PROM2: variants seen among roughly 807,000 people sequenced by gnomAD.
PROM2 encodes prominin 2.
PROM2 carries 90 observed loss-of-function variants against 110.2 expected under a neutral mutation model. The observed-to-expected ratio is 0.82, with a 90% CI of 0.69 to 0.97. The LOEUF is 0.97. PROM2 is among the 50% of genes least tolerant of loss of function. PROM2 has a pLI of 0.00. For synonymous variants in PROM2, 470 were observed against 467.8 expected, an observed-to-expected ratio of 1.00 and a Z score of -0.06; for missense variants, 1,009 against 1,074.8, an observed-to-expected ratio of 0.94 and a Z score of 0.86.
chr2:95,279,766 G>T lies in PROM2; in HGVS notation c.1275-79G>T, dbSNP rs1023538791. ...AGCCTTGGGGTTAGAGGCCACACCC[G>T]GTCGCCACGTCCCGCACCTGTCCAT... On this transcript the variant is annotated intron_variant, in intron 10 of 23. Coordinates refer to ENST00000317620, the MANE Select transcript of PROM2 (RefSeq NM_001165978.3). 2.3e-5 allele frequency: 29 copies of T among 1,246,978 alleles called. No individual in the cohort carries two copies. The Admixed American group carries it at 6.9e-4, about 30-fold the overall frequency. The allele number at this position is 1,246,978 out of a possible 1,614,324, so 77.2% of individuals were successfully genotyped here. A position where few individuals can be genotyped will look rare whatever the true frequency, so the allele number is the denominator to read the frequency against.
rs1335515009 is a variant in PROM2, at chr2:95,276,719, C to T, written c.682+62C>T. 43 of 1,547,334 alleles carry T rather than the reference C, an allele frequency of 2.8e-5. No homozygotes were observed. Among genetic ancestry groups the T allele is most frequent in the African/African-American group, 6.8e-5 (5 of 73,486 alleles). On this transcript the variant is annotated intron_variant, in intron 5 of 23. Coordinates refer to ENST00000317620, the MANE Select transcript of PROM2 (RefSeq NM_001165978.3). This position sits in a 1 kb window ranked among gnomAD's most constrained non-coding sequence, Gnocchi z 4.6. ...TTCCAGGGCCCCTGCTCGGGTGCCT[C>T]GGTGGGGGCCTCTCACTCCCTCATT...
At chr2:95,284,581 CA>C (rs534429749) in intron 14 of PROM2, among the ~76,000 whole-genome samples, 121 of 152,292 alleles carry the variant, frequency 7.9e-4, no homozygotes, top group African/African-American at 2.7e-3. Context: ...GGAAGCATGG[CA>C]CCGGCAGCCG....
At position 95,284,973 on chromosome 2, in the gene PROM2, C is replaced by G. The variant is rs1283142325; in HGVS notation, c.1733C>G (p.Thr578Ser). ...LEEHLDINQY[T>S]NKLRQELQSL... is the part of the protein sequence containing the mutation. ...ACCCTGCGCCTGCTCTCCCAGTATA[C>G]CAACAAGCTACGGCAGGAGTTGCAG... Residue 578 changes from threonine to serine, a missense_variant, in exon 15 of 24, where the codon ACC becomes AGC. Transcript: ENST00000317620. The G allele has an allele frequency of 6.2e-7, 1 of 1,610,204 alleles. No homozygotes were observed. The highest frequency in any genetic ancestry group is 8.5e-7 in the Non-Finnish European group (1 of 1,178,134).
intron 8 of PROM2, chr2:95,278,423 T>C (rs1573448787): frequency 1.8e-6 from 1 of 553,454 alleles, no homozygotes; most frequent in Non-Finnish European, 3.2e-6. Context: ...GCTAGAAGGG[T>C]GGACTGGAGC....
chr2:95,285,211 G>A (rs1677282336), intron 15 of PROM2, 96 bp downstream of exon 15: 2 of 1,338,814 alleles, frequency 1.5e-6, no homozygotes, highest in Admixed American at 5.7e-5. Context: ...CCTTGTCCCA[G>A]CTCTGGCTCT....
At chr2:95,277,800 G>T in intron 7 of PROM2, 130 bp from the exon 8 acceptor site, 1 of 853,678 alleles carries the variant, frequency 1.2e-6, no homozygotes. Flanking sequence ...GGCAGTAAGA[G>T]CCATGGCAGT....
At chr2:95,284,890 C>T in intron 14 of PROM2, 79 bp from the exon 15 acceptor site, 2 of 1,452,086 alleles carry the variant, frequency 1.4e-6, no homozygotes, top group South Asian at 1.4e-5. Context: ...CGCCTGGTGA[C>T]CCCTGTGCTT....
At position 95,279,878 on chromosome 2, in the gene PROM2, C is replaced by A; in HGVS notation, c.1308C>A (p.Val436=). 1.3e-6 allele frequency: 2 copies of A among 1,543,122 alleles called. No individual in the cohort carries two copies. Among genetic ancestry groups the A allele is most frequent in the Non-Finnish European group, 1.8e-6 (2 of 1,142,054 alleles). ...TGGGCTGCGTGCTGTGCTCCGTGGT[C>A]CTATTCGTGGTGCTCTGCAACCTGC... ...WIVGCVLCSV[V]LFVVLCNLLG... The change falls in exon 11 of 24, where the codon GTC becomes GTA. Residue 436 remains valine, a synonymous_variant. Transcript: ENST00000317620.
At chr2:95,282,574 C>T (rs941452294) in intron 14 of PROM2, among the ~76,000 whole-genome samples, 1 of 152,116 alleles carries the variant, frequency 6.6e-6, no homozygotes, top group African/African-American at 2.4e-5. Flanking sequence ...TGGGGAAGGA[C>T]GTGGCAGTGA....
intron 11 of PROM2, among the ~76,000 whole-genome samples, chr2:95,280,997 G>T (rs1157066390): frequency 2.6e-5 from 4 of 152,198 alleles, no homozygotes; most frequent in African/African-American, 7.2e-5. Context: ...CCTCTAGGCT[G>T]CCAGGGCCAG....
Position 95,288,936 on chromosome 2 carries a change from C to T in PROM2, c.2445C>T (p.Ser815=), listed in dbSNP as rs746626049. The T allele has an allele frequency of 1.1e-5, 18 of 1,614,116 alleles. No individual in the cohort carries two copies. Among genetic ancestry groups the T allele is most frequent in the Middle Eastern group, 1.6e-4 (1 of 6,062 alleles). Residue 815 remains serine (S), a synonymous_variant, in exon 23 of 24, where the codon TCC becomes TCT. Transcript: ENST00000317620. ...CTCTCTGTCTTTGACACTGCAGCTC[C>T]ACCAGCTCTGAGGAGACTCAGCTCT... ...YFRPIRKRLS[S]TSSEETQLFH... is the part of the protein sequence containing the mutation.
chr2:95,281,848 A>G (rs1677066438), intron 12 of PROM2, 77 bp from the exon 13 acceptor site: 26 of 997,274 alleles, frequency 2.6e-5, no homozygotes, highest in Non-Finnish European at 4.1e-5. Flanking sequence ...ACAGCAGCAC[A>G]GGGCCAGGCC....
chr2:95,288,673 C>T (rs1677524718), intron 22 of PROM2, 84 bp downstream of exon 22: 1 of 1,174,254 alleles, frequency 8.5e-7, no homozygotes, highest in Non-Finnish European at 1.2e-6. Flanking sequence ...CACAGCCCCT[C>T]CTGAGACCTC....
In PROM2 at chr2:95,277,076, C is replaced by A; in HGVS notation, c.772+15C>A. Reference sequence around the variant, plus strand: ...TTTGGGCCAGGGTGAGCTGGAGCCGCATCCTGGATAGTGTGGAGCCCAGCG... The same window carrying A: ...TTTGGGCCAGGGTGAGCTGGAGCCGAATCCTGGATAGTGTGGAGCCCAGCG... On this transcript the variant is annotated intron_variant, in intron 6 of 23. Coordinates refer to ENST00000317620, the MANE Select transcript of PROM2 (RefSeq NM_001165978.3). 1 of 1,547,978 alleles carries A rather than the reference C, an allele frequency of 6.5e-7. No individual in the cohort carries two copies. The highest frequency in any genetic ancestry group is 1.2e-5 in the South Asian group (1 of 83,710).
At position 95,275,773 on chromosome 2, in the gene PROM2, C is replaced by A; in HGVS notation, c.295-157C>A. On this transcript the variant is annotated intron_variant, in intron 2 of 23. Transcript: ENST00000317620. The surrounding 1 kb of genome is among the most constrained non-coding windows in gnomAD (Gnocchi z 4.4). Reference sequence around the variant, plus strand: ...TCCTCCTGTGTAAGATGGTGATGAGCAGTAAGAATGCGGTCACCTCTGGGA... The same window carrying A: ...TCCTCCTGTGTAAGATGGTGATGAGAAGTAAGAATGCGGTCACCTCTGGGA... The A allele has an allele frequency of 6.8e-7, 1 of 1,469,790 alleles. No individual in the cohort carries two copies. Among genetic ancestry groups the A allele is most frequent in the Non-Finnish European group, 9.0e-7 (1 of 1,113,114 alleles). 91.0% of individuals were successfully genotyped at this position (1,469,790 alleles called of 1,614,324 possible).
rs887119909 is a variant in PROM2, at chr2:95,290,692, C to T, written c.*1479C>T. 4 of 152,206 alleles carry T rather than the reference C, an allele frequency of 2.6e-5. No homozygotes were observed. Among genetic ancestry groups the T allele is most frequent in the Non-Finnish European group, 5.9e-5 (4 of 68,058 alleles). 9.4% of individuals were successfully genotyped at this position (152,206 alleles called of 1,614,324 possible). A position where few individuals can be genotyped will look rare whatever the true frequency, so the allele number is the denominator to read the frequency against. On this transcript the variant is annotated 3_prime_UTR_variant, in exon 24 of 24. Transcript: ENST00000317620. ...GATGGAAGCTGCCTATTATTATTGT[C>T]GTTGTTGTTGTTTGCCATGACTGCT...
chr2:95,277,806 G>A, intron 7 of PROM2, 124 bp from the exon 8 acceptor site: 1 of 870,224 alleles, frequency 1.1e-6, no homozygotes, highest in South Asian at 1.5e-5. Flanking sequence ...AAGAGCCATG[G>A]CAGTCCTCAT....
rs1435906810 is a variant in PROM2, at chr2:95,288,288, G to A, written c.2322G>A (p.Met774Ile). ...GCCGTGTGATCCTGTGTGACATGAT[G>A]GCTGACCCCTGGGTGAGTGCCCCAG... ...DNSRVILCDM[M>I]ADPWNAFWFC... Residue 774 changes from methionine (M) to isoleucine (I), a missense_variant, in exon 21 of 24, where the codon ATG (methionine) becomes ATA (isoleucine). Coordinates refer to ENST00000317620, the MANE Select transcript of PROM2 (RefSeq NM_001165978.3). 6.2e-7 allele frequency: 1 copy of A among 1,614,082 alleles called. No individual in the cohort carries two copies.
Position 95,275,129 on chromosome 2 carries a change from G to A in PROM2, c.244+300G>A. The A allele has an allele frequency of 2.1e-6, 1 of 481,642 alleles. No individual in the cohort carries two copies. 29.8% of individuals were successfully genotyped at this position (481,642 alleles called of 1,614,324 possible). A position where few individuals can be genotyped will look rare whatever the true frequency, so the allele number is the denominator to read the frequency against. On this transcript the variant is annotated intron_variant, in intron 1 of 23. Coordinates refer to ENST00000317620, the MANE Select transcript of PROM2 (RefSeq NM_001165978.3). This position sits in a 1 kb window ranked among gnomAD's most constrained non-coding sequence, Gnocchi z 4.4. ...GGTGCTTGGGTTGGGTGGTCCAGGA[G>A]TGTCTGAAGGACCCTCCCAGTCCTG...
Sources: gnomAD v4.1 joint callset for allele counts (sites outside exome capture counted in the v4.1 genomes callset) on GRCh38, gnomAD v4.1.1 for gene constraint, Gnocchi (gnomAD v3.1) non-coding constraint, MANE v1.5 for transcripts, NCBI Gene and HGNC (gene_info 2026-07-23, HGNC 2026-07-21) for gene names.